Variants in DENND1C observed in about 807,000 individuals in gnomAD.
DENND1C encodes the protein DENN domain containing 1C.
DENND1C carries 64 observed loss-of-function variants against 87.9 expected under a neutral mutation model. The ratio of observed to expected loss-of-function variants is 0.73; its 90% CI spans 0.60 to 0.90. DENND1C has a LOEUF of 0.90. Ranked by LOEUF, DENND1C falls within the 40% of genes least tolerant of loss-of-function variation. The pLI, the probability that DENND1C is intolerant of heterozygous loss-of-function variation, is 0.00. For missense variants in DENND1C, 980 were observed against 1,037.0 expected, an observed-to-expected ratio of 0.95 and a Z score of 0.76; for synonymous variants, 384 against 424.4, an observed-to-expected ratio of 0.90 and a Z score of 1.17.
intron 14 of DENND1C, among the ~76,000 whole-genome samples, chr19:6,473,918 G>A (rs2092844475): frequency 6.6e-6 from 1 of 152,244 alleles, no homozygotes; most frequent in South Asian, 2.1e-4. Context: ...CAGGAGGCCG[G>A]GCGCGGTGGA....
rs377385611 is a variant in DENND1C at position 6,475,342 on chromosome 19, A to G, written c.985T>C (p.Ser329Pro). The G allele has an allele frequency of 7.4e-6, 12 of 1,612,816 alleles. No individual in the cohort carries two copies. The highest frequency in any genetic ancestry group is 1.3e-5 in the African/African-American group (1 of 74,882). ...KVALAPGEGV[S>P]RLFLKAQALL... ...GCCTGGGCTTTGAGGAAGAGACGGG[A>G]CACCCCTTCCCCGGGGGCCAGGGCG... The change falls in exon 14 of 23, where the codon TCC (serine) becomes CCC (proline). Residue 329 changes from serine (S) to proline (P), a missense_variant. Transcript: ENST00000381480.
Position 6,476,843 on chromosome 19 carries a change from G to A in DENND1C, c.678+14C>T. The stretch of plus-strand genomic sequence containing the variant: ...GGCCCTGCTCCCACCCCGGCCCGGC[G>A]GACCCCGCCTCACGGTGCTGAGTTT... On this transcript the variant is annotated intron_variant, in intron 10 of 22. Transcript: ENST00000381480. 6.2e-7 allele frequency: 1 copy of A among 1,606,636 alleles called. No individual in the cohort carries two copies. The highest frequency in any genetic ancestry group is 8.5e-7 in the Non-Finnish European group (1 of 1,177,682).
At chr19:6,481,531 G>C (rs1262652394) in intron 1 of DENND1C, 148 bp downstream of exon 1, 3 of 1,098,120 alleles carry the variant, frequency 2.7e-6, no homozygotes, top group Non-Finnish European at 3.9e-6. Context: ...GGTCATAGCG[G>C]AGGCCCATGG....
chr19:6,481,623 C>T, intron 1 of DENND1C, 56 bp downstream of exon 1: 4 of 1,610,196 alleles, frequency 2.5e-6, no homozygotes, highest in Non-Finnish European at 3.4e-6. Flanking sequence ...TCTGCCCCGG[C>T]TCAGGCCTGG....
chr19:6,471,327 G>T, intron 16 of DENND1C, 22 bp from the exon 17 acceptor site: 1 of 1,596,376 alleles, frequency 6.3e-7, no homozygotes. Context: ...AGAGAGTGTG[G>T]TGGTCACCGA....
chr19:6,470,097 A>C, intron 18 of DENND1C, 198 bp downstream of exon 18: 1 of 585,782 alleles, frequency 1.7e-6, no homozygotes, highest in Non-Finnish European at 2.9e-6. Context: ...GGATTCCAAC[A>C]AAAAATGAGT....
rs747080403 is a variant in DENND1C, at chr19:6,481,660, G to A, written c.17+19C>T. On this transcript the variant is annotated intron_variant, in intron 1 of 22. Transcript: ENST00000381480. Reference sequence around the variant, plus strand: ...CCGGGAATCTTGTACCAGAGAATGAGGGATGGGGTGGCTCTTACTCAGCTC... The same window carrying A: ...CCGGGAATCTTGTACCAGAGAATGAAGGATGGGGTGGCTCTTACTCAGCTC... 6.2e-7 allele frequency: 1 copy of A among 1,611,744 alleles called. No homozygotes were observed. The highest frequency in any genetic ancestry group is 2.2e-5 in the East Asian group (1 of 44,604).
In DENND1C at chr19:6,469,599, A is replaced by G. The variant is rs2145176297; in HGVS notation, c.1404T>C (p.Tyr468=). The change falls in exon 19 of 23, where the codon TAT becomes TAC. Residue 468 remains tyrosine (Y), a synonymous_variant. Transcript: ENST00000381480. The part of the protein sequence containing the change: ...GLKGVQSLLM[Y]KDGDSVLQRG... ...GCACCCGGCCAGTTGATCTTACCTTATACATTAGAAGGCTCTGCACCCCCT... is the reference window on the plus strand; with the variant it reads ...GCACCCGGCCAGTTGATCTTACCTTGTACATTAGAAGGCTCTGCACCCCCT... The G allele has an allele frequency of 1.2e-6, 2 of 1,604,992 alleles. No homozygotes were observed. Among genetic ancestry groups the G allele is most frequent in the African/African-American group, 1.3e-5 (1 of 74,798 alleles).
intron 14 of DENND1C, among the ~76,000 whole-genome samples, chr19:6,474,788 G>A (rs949638763): frequency 1.3e-5 from 2 of 152,140 alleles, no homozygotes; most frequent in African/African-American, 4.8e-5. Context: ...AGAGACGGTG[G>A]CCGGGCATGG....
rs764467516 is a variant in DENND1C, at chr19:6,475,952, C to T, written c.679-15G>A. 5 of 1,544,700 alleles carry T rather than the reference C, an allele frequency of 3.2e-6. No individual in the cohort carries two copies. The highest frequency in any genetic ancestry group is 4.3e-6 in the Non-Finnish European group (5 of 1,155,184). ...CACGAGGTCAGCTGGGGAGCGATGG[C>T]GGGGCGTGGAGTCAGGGCCTGGACC... On this transcript the variant is annotated splice_polypyrimidine_tract_variant and intron_variant, in intron 10 of 22. Transcript: ENST00000381480.
chr19:6,470,240 C>CT (rs1220281021), intron 18 of DENND1C, 55 bp downstream of exon 18: 1 of 1,552,474 alleles, frequency 6.4e-7, no homozygotes, highest in East Asian at 2.4e-5. Context: ...AAAGTGTCCT[C>CT]TGTCCCCTCC....
At position 6,472,945 on chromosome 19, in the gene DENND1C, C is replaced by G. The variant is rs945968894; in HGVS notation, c.1102G>C (p.Gly368Arg). The G allele has an allele frequency of 1.9e-6, 3 of 1,591,834 alleles. No homozygotes were observed. The highest frequency in any genetic ancestry group is 2.3e-5 in the South Asian group (2 of 87,266). The change falls in exon 15 of 23, where the codon GGG becomes CGG. Residue 368 changes from glycine to arginine, a missense_variant. Coordinates refer to ENST00000381480, the MANE Select transcript of DENND1C (RefSeq NM_024898.4). Reference sequence around the variant, plus strand: ...CGGTGGAAGGCCTGCAGAGGTGCCCCAGGCTTCTGGGCCAAGAAGACTTCC... The same window carrying G: ...CGGTGGAAGGCCTGCAGAGGTGCCCGAGGCTTCTGGGCCAAGAAGACTTCC... ...SEEVFLAQKP[G>R]APLQAFHRRA...
Position 6,475,711 on chromosome 19 carries a change from C to A in DENND1C, c.820G>T (p.Ala274Ser). 1.3e-6 allele frequency: 2 copies of A among 1,587,722 alleles called. No individual in the cohort carries two copies. The highest frequency in any genetic ancestry group is 1.7e-6 in the Non-Finnish European group (2 of 1,166,466). The change falls in exon 12 of 23, where the codon GCC becomes TCC. Residue 274 changes from alanine to serine, a missense_variant. By Grantham distance (99) the Ala-to-Ser change is moderately conservative. Transcript: ENST00000381480. ...CTGGGTAGATCCACGCTCACCTCGGCGAGACTGGCGTGCACTCCAATGAGG... is the reference window on the plus strand; with the variant it reads ...CTGGGTAGATCCACGCTCACCTCGGAGAGACTGGCGTGCACTCCAATGAGG... ...PYLIGVHASL[A>S]ERVREKALED... is the part of the protein sequence containing the mutation.
intron 14 of DENND1C, among the ~76,000 whole-genome samples, chr19:6,474,378 T>G (rs527247442): frequency 9.2e-5 from 14 of 152,116 alleles, no homozygotes; most frequent in African/African-American, 3.4e-4. Context: ...CGTCAGATGC[T>G]CAAGTGATAC....
At chr19:6,477,563 A>G in intron 6 of DENND1C, 105 bp from the exon 7 acceptor site, 1 of 791,410 alleles carries the variant, frequency 1.3e-6, no homozygotes, top group Non-Finnish European at 2.0e-6. Context: ...CCAAGGGCTC[A>G]GGTCAGTCCT....
chr19:6,471,355 G>T, intron 16 of DENND1C, 50 bp from the exon 17 acceptor site: 1 of 1,589,696 alleles, frequency 6.3e-7, no homozygotes, highest in East Asian at 2.3e-5. Context: ...CTGAGGCTGG[G>T]GGTGCTGGTG....
intron 18 of DENND1C, 21 bp downstream of exon 18, chr19:6,470,274 G>T (rs1213321009): frequency 1.3e-6 from 2 of 1,597,052 alleles, no homozygotes; most frequent in East Asian, 2.3e-5. Flanking sequence ...AGCAAGAGTG[G>T]CCTGTCCAGC....
chr19:6,469,136 A>T (rs2092814166), intron 19 of DENND1C, among the ~76,000 whole-genome samples, 183 bp from the exon 20 acceptor site: 1 of 151,924 alleles, frequency 6.6e-6, no homozygotes, highest in Admixed American at 6.6e-5. Context: ...GGTTCAAGCG[A>T]TTCTCATGCC....
chr19:6,474,557 A>T lies in DENND1C; in HGVS notation c.1053+717T>A, dbSNP rs374668931. 6.6e-5 allele frequency among the ~76,000 whole-genome samples: 10 copies of T among 152,334 alleles called. No individual in the cohort carries two copies. In the East Asian group the frequency reaches 1.7e-3, roughly 26 times the overall value. ...GTATCCATCTCAAAATGTTATGAGC[A>T]TTAAATGAGATAATAGCAGTGGTAG... On this transcript the variant is annotated intron_variant, in intron 14 of 22. Coordinates refer to ENST00000381480, the MANE Select transcript of DENND1C (RefSeq NM_024898.4).
Sources: gnomAD v4.1 joint callset for allele counts (sites outside exome capture counted in the v4.1 genomes callset) on GRCh38, gnomAD v4.1.1 for gene constraint, MANE v1.5 for transcripts, NCBI Gene and HGNC (gene_info 2026-07-23, HGNC 2026-07-21) for gene names.